Variants in DACH2 observed in about 807,000 individuals in gnomAD.
The protein encoded by DACH2 is dachshund homolog 2.
Under a neutral mutation model 35.8 loss-of-function variants are expected in DACH2, and 17 were observed. That is an observed-to-expected ratio of 0.48 (90% CI 0.33 to 0.71). The LOEUF (loss-of-function observed/expected upper bound fraction) is 0.71, where lower values mean the gene tolerates loss of function less well. DACH2 is among the 30% of genes least tolerant of loss of function. The probability of loss-of-function intolerance (pLI) is 0.02; values close to 1 mark genes in which losing one functional copy is unlikely to be tolerated. For synonymous variants in DACH2, 195 were observed against 177.3 expected (o/e 1.10, Z -0.79); for missense variants, 469 against 472.7 (o/e 0.99, Z 0.07).
intron 2 of DACH2, among the ~76,000 whole-genome samples, chrX:86,482,019 C>T (rs989154986): frequency 8.9e-6 from 1 of 111,791 alleles, no homozygotes; most frequent in Non-Finnish European, 1.9e-5. Flanking sequence ...AATTTTAAAT[C>T]ATGATCAACT....
intron 4 of DACH2, among the ~76,000 whole-genome samples, chrX:86,667,363 G>GAGGAAC: frequency 1.5e-5 from 1 of 64,965 alleles, no homozygotes; most frequent in Non-Finnish European, 2.8e-5. Context: ...GGAAGAGGAA[G>GAGGAAC]GGAAGGGAGG....
intron 3 of DACH2, among the ~76,000 whole-genome samples, chrX:86,629,423 C>T (rs2040173509): frequency 9.0e-6 from 1 of 111,111 alleles, no homozygotes; most frequent in South Asian, 3.8e-4. Flanking sequence ...TCAAATAAGT[C>T]ACCCTAGGGC....
intron 3 of DACH2, among the ~76,000 whole-genome samples, chrX:86,618,731 T>C (rs958045264): frequency 6.2e-5 from 7 of 112,134 alleles, no homozygotes; most frequent in Non-Finnish European, 1.3e-4. Flanking sequence ...CATGAGTAGT[T>C]TTATCTTTTT....
intron 3 of DACH2, among the ~76,000 whole-genome samples, chrX:86,546,404 C>CTTCCTT (rs774988785): frequency 2.8e-3 from 61 of 21,577 alleles, no homozygotes; most frequent in African/African-American, 5.8e-3. Flanking sequence ...TCTTCTTCTT[C>CTTCCTT]CTTCTTCTTC....
At chrX:86,708,900 C>A (rs1049218060) in intron 5 of DACH2, among the ~76,000 whole-genome samples, 2 of 111,070 alleles carry the variant, frequency 1.8e-5, no homozygotes, top group African/African-American at 6.5e-5. Context: ...ATGAAAAAAT[C>A]CAGGAATATA....
At chrX:86,710,474 C>T (rs2041266566) in intron 5 of DACH2, among the ~76,000 whole-genome samples, 1 of 111,880 alleles carries the variant, frequency 8.9e-6, no homozygotes, top group South Asian at 3.7e-4. Flanking sequence ...AATATGAGGG[C>T]CAACTGTGTG....
chrX:86,187,617 G>A (rs778485453), intron 1 of DACH2, among the ~76,000 whole-genome samples: 38 of 110,396 alleles, frequency 3.4e-4, no homozygotes, highest in Non-Finnish European at 6.1e-4. Flanking sequence ...GTAGAGACAG[G>A]GTTTCGCCGT....
chrX:86,263,999 AT>A (rs1378809815), intron 1 of DACH2, among the ~76,000 whole-genome samples: 10 of 112,263 alleles, frequency 8.9e-5, no homozygotes, highest in Non-Finnish European at 1.9e-5. Flanking sequence ...GCTTAGTATA[AT>A]TTTATAAAGC....
intron 1 of DACH2, among the ~76,000 whole-genome samples, chrX:86,221,380 G>C (rs190188073): frequency 9.0e-6 from 1 of 111,439 alleles, no homozygotes; most frequent in East Asian, 2.8e-4. Context: ...ATATGCATGG[G>C]TTTAATTCTG....
chrX:86,608,311 T>G (rs753310652), intron 3 of DACH2, among the ~76,000 whole-genome samples: 5 of 111,711 alleles, frequency 4.5e-5, no homozygotes, highest in African/African-American at 6.5e-5. Flanking sequence ...ACTTTTACAC[T>G]GTTGGTGGGA....
In DACH2 at chrX:86,549,149, A is replaced by C. The variant is rs183292655; in HGVS notation, c.640+34758A>C. ...TCAGATATTATATGTCACATGTTAG[A>C]TGTCACACACATGCATTTCTTTAGG... On this transcript the variant is annotated intron_variant, in intron 3 of 11. Transcript: ENST00000373125. Among the ~76,000 whole-genome samples the C allele has an allele frequency of 2.4e-3, 273 of 111,741 alleles. 1 individual carries two copies. The highest frequency in any genetic ancestry group is 8.6e-3 in the African/African-American group (265 of 30,873).
At chrX:86,506,536 G>T (rs777798873) in intron 2 of DACH2, among the ~76,000 whole-genome samples, 1 of 111,537 alleles carries the variant, frequency 9.0e-6, no homozygotes, top group Non-Finnish European at 1.9e-5. Flanking sequence ...GAGGACTACA[G>T]GTGTGTGACA....
intron 1 of DACH2, among the ~76,000 whole-genome samples, chrX:86,295,174 C>T (rs925474152): frequency 1.2e-4 from 13 of 112,070 alleles, no homozygotes; most frequent in African/African-American, 1.9e-4. Flanking sequence ...GGGAGTGACC[C>T]GATTTTCCAG....
At chrX:86,205,543 T>G (rs1420992898) in intron 1 of DACH2, among the ~76,000 whole-genome samples, 1 of 90,145 alleles carries the variant, frequency 1.1e-5, no homozygotes, top group Non-Finnish European at 2.2e-5. Context: ...CTTCCTTCCT[T>G]CCTTCTTTTT....
intron 2 of DACH2, among the ~76,000 whole-genome samples, chrX:86,404,997 C>G (rs770748952): frequency 8.9e-6 from 1 of 112,218 alleles, no homozygotes; most frequent in East Asian, 2.8e-4. Context: ...ACGTTGTCCC[C>G]TTTTAGCCAC....
chrX:86,666,923 A>G (rs1245381882), intron 4 of DACH2, among the ~76,000 whole-genome samples: 1 of 109,846 alleles, frequency 9.1e-6, no homozygotes, highest in Non-Finnish European at 1.9e-5. Context: ...GAGTTGCTGT[A>G]TGATGCATCT....
intron 1 of DACH2, among the ~76,000 whole-genome samples, chrX:86,325,019 T>G (rs903931008): frequency 2.7e-5 from 3 of 111,480 alleles, no homozygotes; most frequent in African/African-American, 9.8e-5. Context: ...CATACATGGT[T>G]TTTTAGATAT....
intron 1 of DACH2, among the ~76,000 whole-genome samples, chrX:86,244,296 C>G (rs781403875): frequency 1.8e-5 from 2 of 112,006 alleles, no homozygotes; most frequent in African/African-American, 6.5e-5. Flanking sequence ...AATTGATTAT[C>G]CCAATACTAT....
chrX:86,773,085 C>T (rs917182632), intron 7 of DACH2, among the ~76,000 whole-genome samples: 6 of 111,267 alleles, frequency 5.4e-5, no homozygotes, highest in African/African-American at 1.3e-4. Flanking sequence ...GTAACTAAAC[C>T]GGTGATTTTC....
Sources: gnomAD v4.1 joint callset for allele counts (sites outside exome capture counted in the v4.1 genomes callset) on GRCh38, gnomAD v4.1.1 for gene constraint, MANE v1.5 for transcripts, NCBI Gene and HGNC (gene_info 2026-07-23, HGNC 2026-07-21) for gene names.